PSMD12: variants seen among roughly 807,000 people sequenced by gnomAD.
PSMD12 encodes proteasome 26S subunit, non-ATPase 12, also known as 26S proteasome non-ATPase regulatory subunit 12.
A neutral mutation model predicts 62.9 loss-of-function variants in PSMD12; 8 were observed. That is an observed-to-expected ratio of 0.13 (90% CI 0.07 to 0.23). The LOEUF (loss-of-function observed/expected upper bound fraction) is 0.23. Among genes scored for constraint, PSMD12 ranks in the 10% least tolerant of loss-of-function variants. The pLI, the probability that PSMD12 is intolerant of heterozygous loss-of-function variation, is 1.00. For missense variants in PSMD12, 424 were observed against 550.2 expected (o/e 0.77, Z 2.29); for synonymous variants, 173 against 187.4 (o/e 0.92, Z 0.63).
rs529995189 is a variant in PSMD12, at chr17:67,346,401, A to C, written c.796-544T>G. On this transcript the variant is annotated intron_variant, in intron 7 of 10. Transcript: ENST00000356126. ...GAGTGAGACTCTGTCTCAAAAAAAA[A>C]AAGAAAAAAAAAAATTAGCTGGGCA... Among the ~76,000 whole-genome samples the C allele has an allele frequency of 1.0e-4, 7 of 67,524 alleles. No homozygotes were observed. The East Asian group carries it at 1.9e-3, about 18-fold the overall frequency. The allele number at this position is 67,524 out of a possible 152,430, so 44.3% of individuals were successfully genotyped here.
intron 5 of PSMD12, 122 bp from the exon 6 acceptor site, chr17:67,347,607 G>A (rs892639629): frequency 2.1e-6 from 2 of 956,802 alleles, no homozygotes; most frequent in African/African-American, 1.7e-5. Context: ...TGTATATAGG[G>A]AGAGTGTTGA....
At chr17:67,365,812 T>C (rs1192762768) in intron 1 of PSMD12, among the ~76,000 whole-genome samples, 10 of 152,176 alleles carry the variant, frequency 6.6e-5, no homozygotes, top group East Asian at 1.9e-4. Context: ...CCTTCCCTTA[T>C]GGCACCATTA....
intron 1 of PSMD12, among the ~76,000 whole-genome samples, chr17:67,358,567 C>CAAAAAAAAAAAAAAAAAAAAAA (rs398039153): frequency 1.1e-4 from 8 of 74,056 alleles, no homozygotes; most frequent in Admixed American, 3.6e-4. Flanking sequence ...GAACCTGTCT[C>CAAAAAAAAAAAAAAAAAAAAAA]AAAAAAAAAA....
chr17:67,354,303 C>CG (rs1238843452), intron 3 of PSMD12, among the ~76,000 whole-genome samples: 1 of 151,232 alleles, frequency 6.6e-6, no homozygotes, highest in Non-Finnish European at 1.5e-5. Flanking sequence ...ACCAGCTACT[C>CG]GGGAGGCTGA....
chr17:67,357,700 T>A, intron 1 of PSMD12, 122 bp from the exon 2 acceptor site: 1 of 903,670 alleles, frequency 1.1e-6, no homozygotes, highest in Non-Finnish European at 1.7e-6. Flanking sequence ...GGAAAAGGAC[T>A]ACCCATAACT....
intron 1 of PSMD12, chr17:67,361,246 T>A (rs1000882202): frequency 6.6e-6 from 1 of 152,244 alleles, no homozygotes; most frequent in African/African-American, 2.4e-5. Flanking sequence ...AATCTTTCAA[T>A]GATTTGTTAC....
rs5821478 is a variant in PSMD12, at chr17:67,340,252, CA to C, written c.*590del. ...TACTGTGATTGGAACCAGCCGGACT[CA>C]AAAAAAAAAAAAAAAAAGTCTACAG... On this transcript the variant is annotated 3_prime_UTR_variant, in exon 11 of 11. Transcript: ENST00000356126. The C allele has an allele frequency of 0.65, 77,020 of 119,054 alleles. 23,330 individuals carry two copies. Among genetic ancestry groups the C allele is most frequent in the Middle Eastern group, 0.7 (161 of 230 alleles). The allele number at this position is 119,054 out of a possible 1,614,324, so 7.4% of individuals were successfully genotyped here.
In PSMD12 at chr17:67,348,535, A is replaced by G. The variant is rs768251146; in HGVS notation, c.510+15T>C. On this transcript the variant is annotated intron_variant, in intron 5 of 10. Transcript: ENST00000356126. ...CAAAACAAAGTTTTACCAACTCTAA[A>G]ATGCAATACCTTACCTGTAACTCCT... 1.1e-5 allele frequency: 18 copies of G among 1,598,318 alleles called. No individual in the cohort carries two copies. Among genetic ancestry groups the G allele is most frequent in the Non-Finnish European group, 1.5e-5 (18 of 1,168,398 alleles).
rs749640431 is a variant in PSMD12 at position 67,366,495 on chromosome 17, C to T, written c.25G>A (p.Ala9Thr). 4.4e-6 allele frequency: 7 copies of T among 1,608,930 alleles called. 1 individual carries two copies. The highest frequency in any genetic ancestry group is 5.1e-6 in the Non-Finnish European group (6 of 1,178,698). MADGGSERADGRIVKMEVD... is the reference protein window; with the variant it reads MADGGSERTDGRIVKMEVD... ...TCCATCTTGACGATGCGCCCGTCAG[C>T]CCGCTCCGAGCCGCCGTCCGCCATG... is the stretch of plus-strand genomic sequence containing the variant. Residue 9 changes from alanine (A) to threonine (T), a missense_variant, in exon 1 of 11, where the codon GCT becomes ACT. Transcript: ENST00000356126.
intron 9 of PSMD12, 71 bp downstream of exon 9, chr17:67,344,535 A>C: frequency 7.1e-7 from 1 of 1,403,018 alleles, no homozygotes; most frequent in Non-Finnish European, 9.5e-7. Flanking sequence ...AAAATTGCCA[A>C]AATTTAATTC....
intron 1 of PSMD12, 135 bp downstream of exon 1, chr17:67,366,277 C>T: frequency 1.2e-6 from 1 of 827,586 alleles, no homozygotes; most frequent in Non-Finnish European, 1.9e-6. Flanking sequence ...GTCTCCCACT[C>T]GTGCAGGCCC....
At chr17:67,350,136 T>C (rs2143702822) in intron 4 of PSMD12, 93 bp downstream of exon 4, 2 of 763,236 alleles carry the variant, frequency 2.6e-6, no homozygotes, top group East Asian at 3.1e-5. Flanking sequence ...AAAATAAACA[T>C]AAAAATATAC....
intron 10 of PSMD12, 82 bp from the exon 11 acceptor site, chr17:67,341,134 C>G: frequency 9.3e-7 from 1 of 1,079,072 alleles, no homozygotes; most frequent in Non-Finnish European, 1.3e-6. Context: ...ATTTTCTGAA[C>G]TCTTCATCCA....
At chr17:67,350,852 A>G (rs1251404736) in intron 3 of PSMD12, among the ~76,000 whole-genome samples, 1 of 152,196 alleles carries the variant, frequency 6.6e-6, no homozygotes, top group Non-Finnish European at 1.5e-5. Flanking sequence ...ACATTCTATG[A>G]TCCAGGTCAC....
In PSMD12 at chr17:67,366,458, C is replaced by T; in HGVS notation, c.62G>A (p.Ser21Asn). 6.2e-7 allele frequency: 1 copy of T among 1,612,410 alleles called. No individual in the cohort carries two copies. Among genetic ancestry groups the T allele is most frequent in the South Asian group, 1.1e-5 (1 of 91,060 alleles). Reference protein sequence around the residue: ...GRIVKMEVDYSATVDQRLPEC... With the variant: ...GRIVKMEVDYNATVDQRLPEC... Reference sequence around the variant, plus strand: ...GGGTAGGCGCTGATCCACCGTGGCGCTGTAGTCCACCTCCATCTTGACGAT... The same window carrying T: ...GGGTAGGCGCTGATCCACCGTGGCGTTGTAGTCCACCTCCATCTTGACGAT... Residue 21 changes from serine to asparagine, a missense_variant, in exon 1 of 11, where the codon AGC becomes AAC. Coordinates refer to ENST00000356126, the MANE Select transcript of PSMD12 (RefSeq NM_002816.5).
At position 67,339,965 on chromosome 17, in the gene PSMD12, G is replaced by C. The variant is rs1295372341; in HGVS notation, c.*878C>G. The C allele has an allele frequency of 6.6e-6, 1 of 151,028 alleles. No individual in the cohort carries two copies. Among genetic ancestry groups the C allele is most frequent in the African/African-American group, 2.4e-5 (1 of 41,098 alleles). The allele number at this position is 151,028 out of a possible 1,614,324, so 9.4% of individuals were successfully genotyped here. A position where few individuals can be genotyped will look rare whatever the true frequency, so the allele number is the denominator to read the frequency against. On this transcript the variant is annotated 3_prime_UTR_variant, in exon 11 of 11. Coordinates refer to ENST00000356126, the MANE Select transcript of PSMD12 (RefSeq NM_002816.5). The stretch of plus-strand genomic sequence containing the variant: ...TATAATGGAACTAAAAGTTCCTACA[G>C]AGATAATGAATTTGGAACAATAATG...
rs567742197 is a variant in PSMD12, at chr17:67,358,014, C to T, written c.109-436G>A. On this transcript the variant is annotated intron_variant, in intron 1 of 10. Transcript: ENST00000356126. ...TCGGCTCACTGCAACCTCCACCTCCCGGGTTCTAGCGATTCTCATGCCTCA... is the reference window on the plus strand; with the variant it reads ...TCGGCTCACTGCAACCTCCACCTCCTGGGTTCTAGCGATTCTCATGCCTCA... 5.3e-5 allele frequency among the ~76,000 whole-genome samples: 8 copies of T among 152,176 alleles called. No homozygotes were observed. In the South Asian group the frequency reaches 1.2e-3, roughly 24 times the overall value.
intron 4 of PSMD12, among the ~76,000 whole-genome samples, chr17:67,348,960 C>T (rs912553718): frequency 6.6e-6 from 1 of 152,176 alleles, no homozygotes; most frequent in African/African-American, 2.4e-5. Flanking sequence ...CAGGCCACTG[C>T]ACTCTAGCCT....
At chr17:67,365,517 C>T (rs2042170888) in intron 1 of PSMD12, among the ~76,000 whole-genome samples, 2 of 152,108 alleles carry the variant, frequency 1.3e-5, no homozygotes, top group African/African-American at 4.8e-5. Flanking sequence ...GCATTGGAGG[C>T]GGCTGAGTTT....
Sources: allele counts gnomAD v4.1 joint callset (sites outside exome capture counted in the v4.1 genomes callset), GRCh38; gene constraint gnomAD v4.1.1; transcripts MANE v1.5; gene names NCBI Gene and HGNC (gene_info 2026-07-23, HGNC 2026-07-21).